The following TEAD1 variants were observed in gnomAD, a reference collection of about 807,000 sequenced individuals.
The protein encoded by TEAD1 is TEA domain transcription factor 1, also known as transcriptional enhancer factor TEF-1.
Under a neutral mutation model 54.9 loss-of-function variants are expected in TEAD1, and 9 were observed. The ratio of observed to expected loss-of-function variants is 0.16; its 90% CI spans 0.10 to 0.29. The LOEUF is 0.29. Among genes scored for constraint, TEAD1 ranks in the 10% least tolerant of loss-of-function variants. The pLI, the probability that TEAD1 is intolerant of heterozygous loss-of-function variation, is 1.00. For synonymous variants in TEAD1, 200 were observed against 187.8 expected (o/e 1.07, Z -0.53); for missense variants, 387 against 535.9 (o/e 0.72, Z 2.74).
intron 3 of TEAD1, among the ~76,000 whole-genome samples, chr11:12,844,640 A>C (rs1947103629): frequency 6.6e-6 from 1 of 152,128 alleles, no homozygotes; most frequent in Non-Finnish European, 1.5e-5. Flanking sequence ...AGAGTGCCAG[A>C]TCAACCCCAA....
At chr11:12,878,477 C>A (rs1947900902) in intron 5 of TEAD1, among the ~76,000 whole-genome samples, 1 of 152,064 alleles carries the variant, frequency 6.6e-6, no homozygotes, top group Non-Finnish European at 1.5e-5. Flanking sequence ...GGCATTTGGG[C>A]CTGGAATATA....
At chr11:12,864,454 G>T (rs1193664499) in intron 4 of TEAD1, among the ~76,000 whole-genome samples, 1 of 152,116 alleles carries the variant, frequency 6.6e-6, no homozygotes, top group Non-Finnish European at 1.5e-5. Flanking sequence ...TCAAGTCACT[G>T]CAGTGATGAC....
intron 3 of TEAD1, among the ~76,000 whole-genome samples, chr11:12,815,750 G>T (rs572244612): frequency 6.6e-6 from 1 of 152,372 alleles, no homozygotes; most frequent in African/African-American, 2.4e-5. Context: ...TCAGGACACA[G>T]ATGGGGCCAA....
At position 12,874,495 on chromosome 11, in the gene TEAD1, A is replaced by G. The variant is rs1038490662; in HGVS notation, c.331-5213A>G. Among the ~76,000 whole-genome samples, 13 of 152,256 alleles carry G rather than the reference A, an allele frequency of 8.5e-5. 1 individual carries two copies. The highest frequency in any genetic ancestry group is 2.9e-5 in the Non-Finnish European group (2 of 68,046). On this transcript the variant is annotated intron_variant, in intron 5 of 12. Transcript: ENST00000527636. ...CAGCAGAACAGAGAGCTATAGCAGCAGTAGCCTTGCTCTCCTTCATGAAAT... is the reference window on the plus strand; with the variant it reads ...CAGCAGAACAGAGAGCTATAGCAGCGGTAGCCTTGCTCTCCTTCATGAAAT...
intron 10 of TEAD1, among the ~76,000 whole-genome samples, chr11:12,919,876 C>T (rs12291766): frequency 0.066 from 10,059 of 152,096 alleles, 387 homozygotes; most frequent in Middle Eastern, 0.11. Flanking sequence ...AATTAGCAAG[C>T]ACATTATCCA....
chr11:12,750,952 C>A (rs1373145088), intron 2 of TEAD1, among the ~76,000 whole-genome samples: 1 of 152,188 alleles, frequency 6.6e-6, no homozygotes, highest in Non-Finnish European at 1.5e-5. Context: ...TTCCGGCAAC[C>A]ATTCAGTCCT....
At chr11:12,733,516 G>A (rs1245928112) in intron 2 of TEAD1, among the ~76,000 whole-genome samples, 9 of 152,174 alleles carry the variant, frequency 5.9e-5, no homozygotes, top group Non-Finnish European at 5.9e-5. Context: ...CAGTGGCCTT[G>A]GGAATTTAAC....
At chr11:12,742,133 C>T (rs1312154585) in intron 2 of TEAD1, among the ~76,000 whole-genome samples, 1 of 152,164 alleles carries the variant, frequency 6.6e-6, no homozygotes, top group Non-Finnish European at 1.5e-5. Flanking sequence ...GGTCTTGTAG[C>T]TATTCTTTGA....
chr11:12,820,173 G>A (rs1786288721), intron 3 of TEAD1, among the ~76,000 whole-genome samples: 1 of 152,172 alleles, frequency 6.6e-6, no homozygotes, highest in Admixed American at 6.5e-5. Flanking sequence ...AGTATGTATG[G>A]GGAGTGGGAC....
intron 12 of TEAD1, among the ~76,000 whole-genome samples, chr11:12,932,504 C>T (rs1949028645): frequency 6.6e-6 from 1 of 152,066 alleles, no homozygotes; most frequent in Non-Finnish European, 1.5e-5. Context: ...AAAACTCTAC[C>T]TCAGAGAGCA....
At chr11:12,769,482 C>G (rs1326340331) in intron 3 of TEAD1, among the ~76,000 whole-genome samples, 1 of 152,154 alleles carries the variant, frequency 6.6e-6, no homozygotes. Flanking sequence ...GGTCGCTACA[C>G]TCCTCTGGAT....
intron 5 of TEAD1, among the ~76,000 whole-genome samples, chr11:12,877,113 G>A (rs989507545): frequency 7.2e-5 from 11 of 152,186 alleles, no homozygotes; most frequent in Admixed American, 5.9e-4. Context: ...ATTAGCAAAT[G>A]GAGCCCCAAG....
chr11:12,781,479 A>G (rs1487804341), intron 3 of TEAD1, among the ~76,000 whole-genome samples: 1 of 152,188 alleles, frequency 6.6e-6, no homozygotes, highest in East Asian at 1.9e-4. Flanking sequence ...TAATAAAAAG[A>G]TAACTATCCA....
At chr11:12,841,994 G>A (rs1417130835) in intron 3 of TEAD1, among the ~76,000 whole-genome samples, 1 of 152,010 alleles carries the variant, frequency 6.6e-6, no homozygotes, top group African/African-American at 2.4e-5. Context: ...AAATGTAGTC[G>A]GCTTTCCTCA....
intron 3 of TEAD1, among the ~76,000 whole-genome samples, chr11:12,835,306 A>G (rs1009320068): frequency 6.6e-6 from 1 of 152,006 alleles, no homozygotes; most frequent in African/African-American, 2.4e-5. Flanking sequence ...GAGCATTTTC[A>G]TATTTGTGGG....
chr11:12,932,492 G>A (rs894872016), intron 12 of TEAD1, among the ~76,000 whole-genome samples: 4 of 152,080 alleles, frequency 2.6e-5, no homozygotes, highest in East Asian at 1.9e-4. Context: ...TTCTCAGTCC[G>A]TAAAACTCTA....
rs1943655341 is a variant in TEAD1, at chr11:12,699,683, A to G, written c.-55+24122A>G. Among the ~76,000 whole-genome samples the G allele has an allele frequency of 2.0e-5, 3 of 152,272 alleles. No individual in the cohort carries two copies. In the South Asian group the frequency reaches 6.2e-4, roughly 32 times the overall value. On this transcript the variant is annotated intron_variant, in intron 2 of 12. Transcript: ENST00000527636. ...ACAAGGGAAGTTTCCATGTCTCTTTATTTACCAGTGTAATTGCTCAGTGTC... is the reference window on the plus strand; with the variant it reads ...ACAAGGGAAGTTTCCATGTCTCTTTGTTTACCAGTGTAATTGCTCAGTGTC...
chr11:12,894,984 T>G (rs1448653828), intron 9 of TEAD1, among the ~76,000 whole-genome samples: 1 of 152,220 alleles, frequency 6.6e-6, no homozygotes, highest in African/African-American at 2.4e-5. Flanking sequence ...CTGTGGAAAC[T>G]GCAGCAGAGA....
intron 9 of TEAD1, among the ~76,000 whole-genome samples, chr11:12,893,398 T>A (rs1156758595): frequency 2.0e-5 from 3 of 152,048 alleles, no homozygotes; most frequent in Non-Finnish European, 2.9e-5. Flanking sequence ...CAGGGCACAC[T>A]CTCTTGTGGC....
Sources: gnomAD v4.1 joint callset for allele counts (sites outside exome capture counted in the v4.1 genomes callset) on GRCh38, gnomAD v4.1.1 for gene constraint, MANE v1.5 for transcripts, NCBI Gene and HGNC (gene_info 2026-07-23, HGNC 2026-07-21) for gene names.